CNTLN: variants seen among roughly 807,000 people sequenced by gnomAD.
The protein encoded by CNTLN is centlein, centrosomal protein.
CNTLN carries 212 observed loss-of-function variants against 180.0 expected under a neutral mutation model. The ratio of observed to expected loss-of-function variants is 1.18; its 90% confidence interval spans 1.05 to 1.32. The LOEUF (loss-of-function observed/expected upper bound fraction) is 1.32, where lower values mean the gene tolerates loss of function less well. Among genes scored for constraint, CNTLN ranks in the 40% most tolerant of loss-of-function variants. CNTLN has a pLI of 0.00. For missense variants in CNTLN, 2,095 were observed against 1,610.9 expected (o/e 1.30, Z -5.14); for synonymous variants, 722 against 563.1 (o/e 1.28, Z -3.99).
intron 7 of CNTLN, chr9:17,302,143 C>T: frequency 1.0e-6 from 1 of 975,622 alleles, no homozygotes. Flanking sequence ...CTGACCTATC[C>T]ACCCAGGGAA....
chr9:17,371,231 C>T (rs1283185570), intron 13 of CNTLN, among the ~76,000 whole-genome samples: 4 of 152,028 alleles, frequency 2.6e-5, no homozygotes, highest in East Asian at 1.9e-4. Context: ...ATATAAGAAA[C>T]GCTTCATCTA....
In CNTLN at chr9:17,409,402, A is replaced by C; in HGVS notation, c.2725A>C (p.Thr909Pro). The C allele has an allele frequency of 6.2e-7, 1 of 1,613,578 alleles. No individual in the cohort carries two copies. The highest frequency in any genetic ancestry group is 8.5e-7 in the Non-Finnish European group (1 of 1,179,718). Reference sequence around the variant, plus strand: ...AAAAGACCAGAAAGAAAGTGATCCAACAGAAGACAGCCAAACACAAGGAAA... The same window carrying C: ...AAAAGACCAGAAAGAAAGTGATCCACCAGAAGACAGCCAAACACAAGGAAA... The part of the protein sequence containing the change: ...DGKDQKESDP[T>P]EDSQTQGKEI... The change falls in exon 16 of 26, where the codon ACA (threonine) becomes CCA (proline). Residue 909 changes from threonine to proline, a missense_variant. By Grantham distance (38) the Thr-to-Pro change is conservative (BLOSUM62 -1). Transcript: ENST00000380647.
chr9:17,176,921 C>G (rs1820752863), intron 2 of CNTLN, among the ~76,000 whole-genome samples: 1 of 152,120 alleles, frequency 6.6e-6, no homozygotes, highest in Non-Finnish European at 1.5e-5. Flanking sequence ...GTTGATAATC[C>G]TGTTTCTTGA....
intron 2 of CNTLN, chr9:17,167,613 C>A (rs1158799003): frequency 3.9e-5 from 6 of 152,062 alleles, no homozygotes; most frequent in Admixed American, 3.3e-4. Context: ...TAACAGTTGT[C>A]AGTAAGTGAA....
intron 8 of CNTLN, among the ~76,000 whole-genome samples, chr9:17,319,899 C>G (rs1445562924): frequency 6.6e-6 from 1 of 152,088 alleles, no homozygotes. Flanking sequence ...AAGGGCAAAG[C>G]TAATTGGTTC....
intron 5 of CNTLN, among the ~76,000 whole-genome samples, chr9:17,245,260 G>C (rs1045606121): frequency 3.3e-5 from 5 of 150,862 alleles, no homozygotes; most frequent in African/African-American, 1.2e-4. Flanking sequence ...TCCAGCTTTT[G>C]TTTGTCTGGG....
At chr9:17,522,196 T>G in the CNTLN span, among the ~76,000 whole-genome samples, 1 of 152,302 alleles carries the variant, frequency 6.6e-6, no homozygotes, top group East Asian at 1.9e-4. Context: ...ACGTGGCTAG[T>G]ATAGTGCCTG....
rs767526215 is a variant in CNTLN, at chr9:17,394,575, G to T, written c.2121G>T (p.Arg707Ser). ...ATCGGCTGAAATCTTTTGAGAAAAG[G>T]TCGAGAAAATTAAAAGAAGGGAATA... is the stretch of plus-strand genomic sequence containing the variant. ...LENRLKSFEK[R>S]SRKLKEGNKK... is the part of the protein sequence containing the mutation. Residue 707 changes from arginine to serine, a missense_variant, in exon 15 of 26, where the codon AGG (arginine) becomes AGT (serine). By Grantham distance (110) the Arg-to-Ser change is moderately radical. Transcript: ENST00000380647. The T allele has an allele frequency of 1.3e-6, 2 of 1,591,706 alleles. No individual in the cohort carries two copies. Among genetic ancestry groups the T allele is most frequent in the South Asian group, 1.2e-5 (1 of 85,566 alleles).
intron 15 of CNTLN, among the ~76,000 whole-genome samples, chr9:17,406,840 A>G (rs1194617033): frequency 3.3e-5 from 5 of 151,800 alleles, no homozygotes; most frequent in Admixed American, 3.3e-4. Context: ...TCACTAAGAC[A>G]CGTCTCCCTC....
chr9:17,350,683 C>T (rs1251183873), intron 12 of CNTLN, among the ~76,000 whole-genome samples: 1 of 152,094 alleles, frequency 6.6e-6, no homozygotes, highest in African/African-American at 2.4e-5. Flanking sequence ...CTGATGAGGG[C>T]TCTCTTCCTG....
chr9:17,405,103 C>T (rs1165806258), intron 15 of CNTLN, among the ~76,000 whole-genome samples: 1 of 151,764 alleles, frequency 6.6e-6, no homozygotes, highest in Non-Finnish European at 1.5e-5. Context: ...CAGTCCTCAC[C>T]TTACTTGACC....
chr9:17,309,614 C>T (rs1818985268), intron 8 of CNTLN, among the ~76,000 whole-genome samples: 1 of 151,958 alleles, frequency 6.6e-6, no homozygotes, highest in Non-Finnish European at 1.5e-5. Flanking sequence ...AAGTACTTGC[C>T]ATAATGCCTG....
chr9:17,159,253 CTG>C (rs1180722542), intron 2 of CNTLN, among the ~76,000 whole-genome samples: 1 of 152,184 alleles, frequency 6.6e-6, no homozygotes, highest in African/African-American at 2.4e-5. Context: ...CTTCTCTACA[CTG>C]TGTTGCAAAT....
At chr9:17,164,845 T>A (rs544003749) in intron 2 of CNTLN, among the ~76,000 whole-genome samples, 1 of 149,212 alleles carries the variant, frequency 6.7e-6, no homozygotes, top group Non-Finnish European at 1.5e-5. Context: ...TTTCTTTTTT[T>A]TTTTTTTTGA....
At chr9:17,498,355 T>C (rs530092912) in intron 25 of CNTLN, among the ~76,000 whole-genome samples, 1 of 152,286 alleles carries the variant, frequency 6.6e-6, no homozygotes, top group South Asian at 2.1e-4. Flanking sequence ...AGCCACAATT[T>C]GTAAGTGTGA....
intron 5 of CNTLN, among the ~76,000 whole-genome samples, chr9:17,268,811 G>A (rs149480910): frequency 0.021 from 3,147 of 151,770 alleles, 136 homozygotes; most frequent in African/African-American, 0.073. Flanking sequence ...AGCAATCAGC[G>A]AGACTCTGTG....
chr9:17,256,730 T>C (rs1463106791), intron 5 of CNTLN, among the ~76,000 whole-genome samples: 3 of 151,976 alleles, frequency 2.0e-5, no homozygotes, highest in Non-Finnish European at 4.4e-5. Context: ...CAAAATGTCG[T>C]TTAAAAGTTA....
At chr9:17,250,332 T>A (rs1826063001) in intron 5 of CNTLN, among the ~76,000 whole-genome samples, 1 of 152,040 alleles carries the variant, frequency 6.6e-6, no homozygotes, top group Admixed American at 6.6e-5. Flanking sequence ...TCTCTTTTTT[T>A]CTGACTGGAG....
intron 12 of CNTLN, among the ~76,000 whole-genome samples, chr9:17,358,108 T>C (rs1822994311): frequency 6.6e-6 from 1 of 152,050 alleles, no homozygotes; most frequent in Admixed American, 6.5e-5. Context: ...GAGAAAAATT[T>C]TACTCTTAAA....
Sources: allele counts gnomAD v4.1 joint callset (sites outside exome capture counted in the v4.1 genomes callset), GRCh38; gene constraint gnomAD v4.1.1; transcripts MANE v1.5; gene names NCBI Gene and HGNC (gene_info 2026-07-23, HGNC 2026-07-21).